Variants in GAB2 observed in about 807,000 individuals in gnomAD.
The protein encoded by GAB2 is GRB2 associated binding protein 2.
GAB2 carries 26 observed loss-of-function variants against 65.5 expected under a neutral mutation model. That is an observed-to-expected ratio of 0.40 (90% CI 0.29 to 0.55). The LOEUF (loss-of-function observed/expected upper bound fraction) is 0.55. GAB2 is among the 20% of genes least tolerant of loss of function. The probability of loss-of-function intolerance (pLI) is 0.53; values close to 1 mark genes in which losing one functional copy is unlikely to be tolerated. For synonymous variants in GAB2, 321 were observed against 329.6 expected (o/e 0.97, Z 0.28); for missense variants, 884 against 875.8 (o/e 1.01, Z -0.12).
intron 1 of GAB2, among the ~76,000 whole-genome samples, chr11:78,383,320 G>A (rs1856721013): frequency 6.6e-6 from 1 of 152,040 alleles, no homozygotes; most frequent in Non-Finnish European, 1.5e-5. Flanking sequence ...AAGGCTGCAA[G>A]TCATGACTGG....
At position 78,274,269 on chromosome 11, in the gene GAB2, G is replaced by T. The variant is rs566076530; in HGVS notation, c.376+6332C>A. Among the ~76,000 whole-genome samples the T allele has an allele frequency of 3.9e-5, 6 of 152,190 alleles. No individual in the cohort carries two copies. In the East Asian group the frequency reaches 7.7e-4, roughly 20 times the overall value. ...GACAGAGAGACAAATGAGAGAGAAA[G>T]ACAGACACAAAGGAGGACAGATGAA... On this transcript the variant is annotated intron_variant, in intron 2 of 9. Coordinates refer to ENST00000361507, the MANE Select transcript of GAB2 (RefSeq NM_080491.3).
At chr11:78,270,496 G>T (rs375037225) in intron 2 of GAB2, among the ~76,000 whole-genome samples, 8 of 152,100 alleles carry the variant, frequency 5.3e-5, no homozygotes, top group African/African-American at 1.9e-4. Flanking sequence ...AGCCATAGAC[G>T]GTAGTCAAAA....
intron 3 of GAB2, among the ~76,000 whole-genome samples, chr11:78,247,605 T>C (rs1865333112): frequency 6.6e-6 from 1 of 152,192 alleles, no homozygotes; most frequent in African/African-American, 2.4e-5. Context: ...TGGAACATCA[T>C]AGGAAAAGCC....
chr11:78,259,231 GTTCTT>G (rs1163817353), intron 2 of GAB2, among the ~76,000 whole-genome samples: 2 of 152,144 alleles, frequency 1.3e-5, no homozygotes, highest in African/African-American at 4.8e-5. Context: ...ACTCAACAGG[GTTCTT>G]TTGAGGATTT....
chr11:78,244,344 A>T (rs1865230335), intron 3 of GAB2, among the ~76,000 whole-genome samples: 1 of 152,056 alleles, frequency 6.6e-6, no homozygotes. Flanking sequence ...GTGAGCCAAG[A>T]TCGCACCATT....
chr11:78,310,349 A>T (rs912244476), intron 1 of GAB2, among the ~76,000 whole-genome samples: 1 of 107,306 alleles, frequency 9.3e-6, no homozygotes, highest in African/African-American at 2.8e-5. Context: ...AAAAATACAA[A>T]AAAAAAAAAA....
In GAB2 at chr11:78,250,328, T is replaced by G. The variant is rs1260621634; in HGVS notation, c.449A>C (p.Gln150Pro). 5 of 1,613,420 alleles carry G rather than the reference T, an allele frequency of 3.1e-6. No individual in the cohort carries two copies. Among genetic ancestry groups the G allele is most frequent in the Non-Finnish European group, 4.2e-6 (5 of 1,179,868 alleles). Residue 150 changes from glutamine to proline, a missense_variant, in exon 3 of 10, where the codon CAG (glutamine) becomes CCG (proline). Physicochemically the swap from Gln to Pro is moderately conservative, Grantham distance 76. Coordinates refer to ENST00000361507, the MANE Select transcript of GAB2 (RefSeq NM_080491.3). ...GGACTTGCGCTCTCGGAGAAGGTGC[T>G]GGCTAGAGCTGCTGAGCTCAGCTGG... ...SSPAELSSSS[Q>P]HLLRERKSSA...
intron 6 of GAB2, among the ~76,000 whole-genome samples, 195 bp from the exon 7 acceptor site, chr11:78,222,390 C>G (rs148249903): frequency 6.6e-6 from 1 of 152,032 alleles, no homozygotes; most frequent in South Asian, 2.1e-4. Flanking sequence ...CTTCAGATTC[C>G]AAATTATATA....
intron 1 of GAB2, among the ~76,000 whole-genome samples, chr11:78,385,319 G>A (rs1179420392): frequency 6.6e-6 from 1 of 152,186 alleles, no homozygotes; most frequent in Non-Finnish European, 1.5e-5. Context: ...AGGACTGTGG[G>A]AAAATCTTCA....
rs1235736718 is a variant in GAB2 at position 78,417,816 on chromosome 11, C to T, written c.-96G>A. 2.4e-5 allele frequency: 14 copies of T among 576,370 alleles called. No homozygotes were observed. The East Asian group carries it at 1.6e-3, about 66-fold the overall frequency. The allele number at this position is 576,370 out of a possible 1,614,324, so 35.7% of individuals were successfully genotyped here. A position where few individuals can be genotyped will look rare whatever the true frequency, so the allele number is the denominator to read the frequency against. ...CGGCGGTGCGCAGCTCGCGGGAGGC[C>T]AGGGGCGGGGCGGGCGGCCCGGCGG... is the stretch of plus-strand genomic sequence containing the variant. On this transcript the variant is annotated 5_prime_UTR_variant, in exon 1 of 10. Coordinates refer to ENST00000361507, the MANE Select transcript of GAB2 (RefSeq NM_080491.3).
intron 1 of GAB2, among the ~76,000 whole-genome samples, chr11:78,320,589 G>T (rs2134661743): frequency 6.6e-6 from 1 of 152,144 alleles, no homozygotes; most frequent in East Asian, 1.9e-4. Flanking sequence ...TACTAACTGG[G>T]AGATTTTTTT....
intron 2 of GAB2, among the ~76,000 whole-genome samples, chr11:78,269,354 C>T (rs1865952540): frequency 6.6e-6 from 1 of 152,156 alleles, no homozygotes; most frequent in South Asian, 2.1e-4. Context: ...AAAAGGCCCT[C>T]CCAGGGATGA....
intron 2 of GAB2, among the ~76,000 whole-genome samples, chr11:78,266,955 A>C (rs1865889079): frequency 1.3e-5 from 2 of 152,386 alleles, no homozygotes; most frequent in South Asian, 4.1e-4. Flanking sequence ...AGGAGGAAGA[A>C]GCATGTTCTG....
At chr11:78,257,616 G>C (rs941708254) in intron 2 of GAB2, among the ~76,000 whole-genome samples, 2 of 152,170 alleles carry the variant, frequency 1.3e-5, no homozygotes, top group Admixed American at 6.5e-5. Flanking sequence ...AAAGAGGTAC[G>C]AGCTGCTTTC....
At chr11:78,233,902 C>A (rs1055659447) in intron 3 of GAB2, among the ~76,000 whole-genome samples, 10 of 152,234 alleles carry the variant, frequency 6.6e-5, no homozygotes, top group African/African-American at 9.6e-5. Context: ...TGGGCCACCA[C>A]GCCCAGCCCA....
At chr11:78,321,017 A>G (rs1278005580) in intron 1 of GAB2, among the ~76,000 whole-genome samples, 1 of 152,196 alleles carries the variant, frequency 6.6e-6, no homozygotes, top group East Asian at 1.9e-4. Flanking sequence ...AACAGAGTGA[A>G]GAATGACTTA....
rs140075107 is a variant in GAB2 at position 78,228,318 on chromosome 11, G to T, written c.621-1267C>A. Among the ~76,000 whole-genome samples, 6 of 152,328 alleles carry T rather than the reference G, an allele frequency of 3.9e-5. No individual in the cohort carries two copies. In the East Asian group the frequency reaches 9.6e-4, roughly 24 times the overall value. On this transcript the variant is annotated intron_variant, in intron 3 of 9. Coordinates refer to ENST00000361507, the MANE Select transcript of GAB2 (RefSeq NM_080491.3). ...TTAGCTTGTGTATGATTCTTCATAG[G>T]ATTTCACTTGGGGAAAAAAAGAATC...
At chr11:78,367,831 T>C (rs930523862) in intron 1 of GAB2, among the ~76,000 whole-genome samples, 15 of 147,950 alleles carry the variant, frequency 1.0e-4, no homozygotes, top group African/African-American at 3.2e-4. Flanking sequence ...CTTTTTTTTT[T>C]TTTTTTTTTT....
intron 1 of GAB2, among the ~76,000 whole-genome samples, chr11:78,300,696 T>G (rs1190180433): frequency 0.055 from 5,158 of 94,480 alleles, 224 homozygotes; most frequent in African/African-American, 0.17. Flanking sequence ...TTTTTTTTTG[T>G]TTTTTTTTTT....
Sources: gnomAD v4.1 joint callset for allele counts (sites outside exome capture counted in the v4.1 genomes callset) on GRCh38, gnomAD v4.1.1 for gene constraint, MANE v1.5 for transcripts, NCBI Gene and HGNC (gene_info 2026-07-23, HGNC 2026-07-21) for gene names.